Variants in MARCHF6 observed in about 807,000 individuals in gnomAD.
MARCHF6 encodes membrane associated ring-CH-type finger 6.
A neutral mutation model predicts 133.7 loss-of-function variants in MARCHF6; 31 were observed. The ratio of observed to expected loss-of-function variants is 0.23; its 90% CI spans 0.17 to 0.31. The LOEUF (loss-of-function observed/expected upper bound fraction) is 0.31. Ranked by LOEUF, MARCHF6 falls within the 10% of genes least tolerant of loss-of-function variation. MARCHF6 has a pLI of 1.00. For missense variants in MARCHF6, 723 were observed against 1,121.6 expected, an observed-to-expected ratio of 0.64 and a Z score of 5.08; for synonymous variants, 395 against 402.5, an observed-to-expected ratio of 0.98 and a Z score of 0.22.
chr5:10,433,954 C>G lies in MARCHF6; in HGVS notation c.*270C>G, dbSNP rs1384670767. The G allele has an allele frequency of 2.7e-6, 1 of 375,830 alleles. No individual in the cohort carries two copies. The highest frequency in any genetic ancestry group is 4.9e-6 in the Non-Finnish European group (1 of 203,998). The allele number at this position is 375,830 out of a possible 1,614,324, so 23.3% of individuals were successfully genotyped here. A position where few individuals can be genotyped will look rare whatever the true frequency, so the allele number is the denominator to read the frequency against. Reference sequence around the variant, plus strand: ...ATTAAACAGAATGTGCATTGTACATCTTTAAACAAAATGTATATTAATTTA... The same window carrying G: ...ATTAAACAGAATGTGCATTGTACATGTTTAAACAAAATGTATATTAATTTA... On this transcript the variant is annotated 3_prime_UTR_variant, in exon 26 of 26. Coordinates refer to ENST00000274140, the MANE Select transcript of MARCHF6 (RefSeq NM_005885.4).
Position 10,439,057 on chromosome 5 carries a change from A to T in MARCHF6, c.*5373A>T, listed in dbSNP as rs1004811461. 2.6e-5 allele frequency: 4 copies of T among 152,218 alleles called. No homozygotes were observed. Among genetic ancestry groups the T allele is most frequent in the Non-Finnish European group, 5.9e-5 (4 of 68,040 alleles). The allele number at this position is 152,218 out of a possible 1,614,324, so 9.4% of individuals were successfully genotyped here. A position where few individuals can be genotyped will look rare whatever the true frequency, so the allele number is the denominator to read the frequency against. ...GTAACTCTTCTTTAGGATACACCTA[A>T]AGATGAGAAGCTTCATACCCAGTAC... On this transcript the variant is annotated 3_prime_UTR_variant, in exon 26 of 26. Coordinates refer to ENST00000274140, the MANE Select transcript of MARCHF6 (RefSeq NM_005885.4).
chr5:10,379,385 T>C (rs1736990386), intron 3 of MARCHF6, among the ~76,000 whole-genome samples: 3 of 152,176 alleles, frequency 2.0e-5, no homozygotes, highest in African/African-American at 7.2e-5. Flanking sequence ...TCATCAAATA[T>C]TCAGTACTCT....
rs369686840 is a variant in MARCHF6, at chr5:10,377,173, C to T, written c.20-625C>T. Reference sequence around the variant, plus strand: ...AGGGGTGGGCTGCGGTCCAAGGACCCCTTAGCGCTGTCCCTTCTGCTTAAG... The same window carrying T: ...AGGGGTGGGCTGCGGTCCAAGGACCTCTTAGCGCTGTCCCTTCTGCTTAAG... On this transcript the variant is annotated intron_variant, in intron 1 of 25. Coordinates refer to ENST00000274140, the MANE Select transcript of MARCHF6 (RefSeq NM_005885.4). 3.9e-5 allele frequency among the ~76,000 whole-genome samples: 6 copies of T among 152,200 alleles called. No individual in the cohort carries two copies. The South Asian group carries it at 1.0e-3, about 26-fold the overall frequency.
Position 10,391,561 on chromosome 5 carries a change from G to C in MARCHF6, c.596G>C (p.Gly199Ala). ...HQNEAPAGGN[G>A]AENVAADQPA... ...TTTTAGGCTCCAGCAGGAGGAAATG[G>C]TGCAGAAAATGTTGCTGCTGATCAG... Residue 199 changes from glycine to alanine, a missense_variant, in exon 7 of 26, where the codon GGT becomes GCT. Coordinates refer to ENST00000274140, the MANE Select transcript of MARCHF6 (RefSeq NM_005885.4). 1 of 1,605,728 alleles carries C rather than the reference G, an allele frequency of 6.2e-7. No homozygotes were observed. The highest frequency in any genetic ancestry group is 8.5e-7 in the Non-Finnish European group (1 of 1,176,430).
chr5:10,358,317 T>TA (rs1014700515), intron 1 of MARCHF6, among the ~76,000 whole-genome samples: 2 of 152,160 alleles, frequency 1.3e-5, no homozygotes, highest in African/African-American at 2.4e-5. Context: ...ATGTAGGACT[T>TA]CATTGACTTT....
chr5:10,430,177 A>G, intron 25 of MARCHF6, 149 bp downstream of exon 25: 1 of 888,690 alleles, frequency 1.1e-6, no homozygotes. Flanking sequence ...AGATTGTGAC[A>G]TGTGAAGGAG....
chr5:10,386,861 CTT>C (rs1737510311), intron 4 of MARCHF6, 131 bp from the exon 5 acceptor site: 3 of 636,246 alleles, frequency 4.7e-6, no homozygotes, highest in Non-Finnish European at 8.7e-6. Context: ...TATTTTGAGA[CTT>C]AGGCTTGTAA....
intron 17 of MARCHF6, among the ~76,000 whole-genome samples, chr5:10,408,741 G>A (rs1739053103): frequency 6.6e-6 from 1 of 152,080 alleles, no homozygotes; most frequent in African/African-American, 2.4e-5. Context: ...GTTTTACCAT[G>A]TTGCCTGTGC....
chr5:10,361,464 C>T (rs1456157405), intron 1 of MARCHF6, among the ~76,000 whole-genome samples: 2 of 152,126 alleles, frequency 1.3e-5, no homozygotes, highest in African/African-American at 4.8e-5. Flanking sequence ...TTCATGTAGT[C>T]TTCTCTCTGT....
chr5:10,427,236 G>A (rs559916062), intron 24 of MARCHF6, among the ~76,000 whole-genome samples: 12 of 152,248 alleles, frequency 7.9e-5, no homozygotes, highest in East Asian at 1.9e-4. Flanking sequence ...TGAGTCATTC[G>A]TCTCCTACCC....
Position 10,353,827 on chromosome 5 carries a change from C to G in MARCHF6, c.-72C>G. ...CCTGCCCGGGCCCGGCTCCCTCCTC[C>G]TCTCCCCTCCCTCTTTCCCCGCCCG... On this transcript the variant is annotated 5_prime_UTR_variant, in exon 1 of 26. Transcript: ENST00000274140. 6.9e-7 allele frequency: 1 copy of G among 1,443,728 alleles called. No individual in the cohort carries two copies. 89.4% of individuals were successfully genotyped at this position (1,443,728 alleles called of 1,614,324 possible).
At chr5:10,358,786 A>G (rs954558647) in intron 1 of MARCHF6, among the ~76,000 whole-genome samples, 2 of 152,246 alleles carry the variant, frequency 1.3e-5, no homozygotes, top group Non-Finnish European at 2.9e-5. Context: ...TGCATAAAAT[A>G]TATGTAGATA....
intron 1 of MARCHF6, among the ~76,000 whole-genome samples, chr5:10,371,046 G>T (rs185733512): frequency 1.3e-5 from 2 of 152,180 alleles, no homozygotes; most frequent in Admixed American, 1.3e-4. Context: ...TCTTGGAATT[G>T]GGAGCTAGTT....
intron 7 of MARCHF6, among the ~76,000 whole-genome samples, chr5:10,392,319 A>G (rs886300180): frequency 2.0e-5 from 3 of 152,140 alleles, no homozygotes; most frequent in Non-Finnish European, 2.9e-5. Flanking sequence ...ATTAGGTACT[A>G]CTTTTTTTAA....
rs549771261 is a variant in MARCHF6 at position 10,399,686 on chromosome 5, A to ACT, written c.914-1093_914-1092dup. Among the ~76,000 whole-genome samples, 878 of 152,150 alleles carry ACT rather than the reference A, an allele frequency of 5.8e-3. 6 individuals are homozygous for ACT. Among genetic ancestry groups the ACT allele is most frequent in the Middle Eastern group, 0.014 (4 of 294 alleles). On this transcript the variant is annotated intron_variant, in intron 10 of 25. Transcript: ENST00000274140. ...TTTCCTAATAATCCATCATATTCAA[A>ACT]CTCTCTGGGTTGTCCCTTACATACC...
intron 4 of MARCHF6, among the ~76,000 whole-genome samples, chr5:10,384,781 A>G (rs1737363547): frequency 6.6e-6 from 1 of 152,208 alleles, no homozygotes; most frequent in African/African-American, 2.4e-5. Context: ...CACTTTAGAA[A>G]ACTGGCAGTA....
chr5:10,421,107 C>T (rs977706303), intron 22 of MARCHF6, among the ~76,000 whole-genome samples: 2 of 152,216 alleles, frequency 1.3e-5, no homozygotes, highest in African/African-American at 2.4e-5. Flanking sequence ...CTCAGCATTA[C>T]TTCTGAAATC....
chr5:10,404,334 C>T (rs1738752098), intron 15 of MARCHF6, among the ~76,000 whole-genome samples: 1 of 152,106 alleles, frequency 6.6e-6, no homozygotes, highest in African/African-American at 2.4e-5. Flanking sequence ...TCCCAAAGTG[C>T]TGGGATTACA....
At chr5:10,424,395 C>T (rs1739974963) in intron 23 of MARCHF6, among the ~76,000 whole-genome samples, 1 of 152,060 alleles carries the variant, frequency 6.6e-6, no homozygotes. Context: ...GTGGGGTGGG[C>T]TACCTTTTGT....
Sources: allele counts gnomAD v4.1 joint callset (sites outside exome capture counted in the v4.1 genomes callset), GRCh38; gene constraint gnomAD v4.1.1; transcripts MANE v1.5; gene names NCBI Gene and HGNC (gene_info 2026-07-23, HGNC 2026-07-21).